The following DGKB variants were observed in gnomAD, a reference collection of about 807,000 sequenced individuals.
DGKB encodes the protein 90 kDa diacylglycerol kinase.
A neutral mutation model predicts 114.3 loss-of-function variants in DGKB; 67 were observed. The observed-to-expected ratio is 0.59, with a 90% confidence interval of 0.48 to 0.72. DGKB has a LOEUF of 0.72. DGKB is among the 30% of genes least tolerant of loss of function. DGKB has a pLI of 0.00. For missense variants in DGKB, 907 were observed against 975.2 expected (o/e 0.93, Z 0.93); for synonymous variants, 398 against 323.1 (o/e 1.23, Z -2.49).
intron 23 of DGKB, chr7:14,191,130 G>C (rs1263040442): frequency 4.7e-5 from 8 of 171,936 alleles, no homozygotes; most frequent in Admixed American, 2.3e-4. Context: ...GGCTGACTGT[G>C]ATGTCCTGAT....
Position 14,820,661 on chromosome 7 carries a change from G to A in DGKB, c.70+20533C>T, listed in dbSNP as rs1844800222. ...AACAGCAAATGCTCTAAATGTCATT[G>A]GATGGATAGTTGGGGAATGTTTCAT... On this transcript the variant is annotated intron_variant, in intron 2 of 25. Coordinates refer to ENST00000402815, the MANE Select transcript of DGKB (RefSeq NM_001350709.2). Among the ~76,000 whole-genome samples, 3 of 152,268 alleles carry A rather than the reference G, an allele frequency of 2.0e-5. No homozygotes were observed. In the South Asian group the frequency reaches 6.2e-4, roughly 32 times the overall value.
chr7:14,783,833 T>A (rs539202634), intron 2 of DGKB, among the ~76,000 whole-genome samples: 16 of 152,328 alleles, frequency 1.1e-4, no homozygotes, highest in Middle Eastern at 3.4e-3. Flanking sequence ...AAGTAGAGAA[T>A]GAAAGAGATG....
At chr7:14,345,441 G>C in intron 21 of DGKB, 50 bp from the exon 22 acceptor site, 1 of 976,620 alleles carries the variant, frequency 1.0e-6, no homozygotes, top group Non-Finnish European at 1.5e-6. Context: ...ATAACAGAGG[G>C]ATCTTTTAAA....
rs146629216 is a variant in DGKB, at chr7:14,356,454, C to T, written c.1836-11063G>A. Among the ~76,000 whole-genome samples the T allele has an allele frequency of 1.0e-2, 1,500 of 150,214 alleles. 21 individuals carry two copies. The highest frequency in any genetic ancestry group is 0.011 in the Non-Finnish European group (751 of 67,706). ...TCGGCTCACTGCAAGCTCCGCCTTC[C>T]GGGTTTATGCCATTCTCTTGCCTCA... On this transcript the variant is annotated intron_variant, in intron 21 of 25. Transcript: ENST00000402815.
intron 4 of DGKB, among the ~76,000 whole-genome samples, chr7:14,747,380 C>G (rs894862285): frequency 3.3e-5 from 5 of 150,452 alleles, no homozygotes; most frequent in African/African-American, 9.8e-5. Context: ...TTTTAATTTT[C>G]TAACTCAGAG....
intron 23 of DGKB, among the ~76,000 whole-genome samples, chr7:14,248,959 T>C (rs1437082039): frequency 1.3e-5 from 2 of 152,124 alleles, no homozygotes; most frequent in Admixed American, 1.3e-4. Context: ...CACTGTTGAG[T>C]GTGTTGGCTT....
At chr7:14,707,408 T>C (rs1024488580) in intron 6 of DGKB, among the ~76,000 whole-genome samples, 5 of 145,152 alleles carry the variant, frequency 3.4e-5, no homozygotes, top group Non-Finnish European at 7.5e-5. Context: ...ACTGGTACCA[T>C]TCCTTCTGAA....
intron 21 of DGKB, among the ~76,000 whole-genome samples, chr7:14,448,073 A>T (rs1028397195): frequency 6.6e-6 from 1 of 152,024 alleles, no homozygotes; most frequent in Non-Finnish European, 1.5e-5. Flanking sequence ...CCATAAATTT[A>T]TTGAGCAGTT....
intron 25 of DGKB, among the ~76,000 whole-genome samples, chr7:14,169,487 T>C (rs1057271183): frequency 4.6e-5 from 7 of 150,838 alleles, no homozygotes; most frequent in Non-Finnish European, 5.9e-5. Flanking sequence ...AAGCACAAAA[T>C]AGAGGGTAAG....
chr7:14,368,946 A>C (rs867384399), intron 21 of DGKB, among the ~76,000 whole-genome samples: 1 of 151,924 alleles, frequency 6.6e-6, no homozygotes, highest in African/African-American at 2.4e-5. Flanking sequence ...TTGTTTTTCA[A>C]TTTCTGGGAT....
chr7:14,694,809 T>A (rs557721999), intron 8 of DGKB, among the ~76,000 whole-genome samples: 1 of 152,208 alleles, frequency 6.6e-6, no homozygotes, highest in Non-Finnish European at 1.5e-5. Context: ...TTGTGAGGAT[T>A]AAATAAGCTA....
chr7:14,338,987 G>A (rs1005953238), intron 22 of DGKB, among the ~76,000 whole-genome samples: 4 of 151,862 alleles, frequency 2.6e-5, no homozygotes, highest in African/African-American at 9.7e-5. Flanking sequence ...GGAGAGACTC[G>A]TTAGCATCTG....
chr7:14,298,808 A>G (rs575055783), intron 23 of DGKB, among the ~76,000 whole-genome samples: 1 of 152,222 alleles, frequency 6.6e-6, no homozygotes, highest in African/African-American at 2.4e-5. Context: ...CAAAGGGCTA[A>G]TATCCAGCAT....
chr7:14,381,649 G>A (rs1014102749), intron 21 of DGKB, among the ~76,000 whole-genome samples: 7 of 152,234 alleles, frequency 4.6e-5, no homozygotes, highest in East Asian at 1.9e-4. Context: ...CCAGGCTGGA[G>A]TGCAGTGGCT....
chr7:14,507,659 T>C (rs1057229207), intron 20 of DGKB, among the ~76,000 whole-genome samples: 1 of 152,302 alleles, frequency 6.6e-6, no homozygotes, highest in African/African-American at 2.4e-5. Flanking sequence ...GTTGAACCAA[T>C]GTGATACCCC....
rs551773447 is a variant in DGKB at position 14,681,495 on chromosome 7, T to G, written c.1035+1058A>C. Among the ~76,000 whole-genome samples the G allele has an allele frequency of 3.3e-5, 5 of 151,852 alleles. No homozygotes were observed. The East Asian group carries it at 7.8e-4, about 24-fold the overall frequency. ...AAAGAGAGCATTTAAGAGAATTGTT[T>G]AAGCCCTGGGTTGAGGGTGGGGCAC... On this transcript the variant is annotated intron_variant, in intron 12 of 25. Coordinates refer to ENST00000402815, the MANE Select transcript of DGKB (RefSeq NM_001350709.2).
intron 20 of DGKB, among the ~76,000 whole-genome samples, chr7:14,499,700 T>C (rs1255342258): frequency 2.6e-5 from 4 of 151,884 alleles, no homozygotes; most frequent in Admixed American, 6.6e-5. Context: ...CTATGGCTCA[T>C]GATTCCTAGT....
At chr7:14,930,081 G>T (rs1204734532) in intron 1 of DGKB, among the ~76,000 whole-genome samples, 1 of 152,052 alleles carries the variant, frequency 6.6e-6, no homozygotes, top group Non-Finnish European at 1.5e-5. Flanking sequence ...ATTGATCTGT[G>T]TGTCTATTTT....
chr7:14,722,212 T>C (rs1305211913), intron 5 of DGKB, among the ~76,000 whole-genome samples: 1 of 152,190 alleles, frequency 6.6e-6, no homozygotes, highest in Non-Finnish European at 1.5e-5. Flanking sequence ...CATTATAGTG[T>C]CTTTCAGAGA....
Sources: allele counts gnomAD v4.1 joint callset (sites outside exome capture counted in the v4.1 genomes callset), GRCh38; gene constraint gnomAD v4.1.1; transcripts MANE v1.5; gene names NCBI Gene and HGNC (gene_info 2026-07-23, HGNC 2026-07-21).